Variants in PHACTR1 observed in about 807,000 individuals in gnomAD.
PHACTR1 encodes RPEL repeat containing 1.
In PHACTR1, 16 loss-of-function variants were observed where a neutral mutation model predicts 69.2. That is an observed-to-expected ratio of 0.23 (90% CI 0.16 to 0.35). The LOEUF is 0.35. Among genes scored for constraint, PHACTR1 ranks in the 10% least tolerant of loss-of-function variants. The probability of loss-of-function intolerance (pLI) is 1.00; values close to 1 mark genes in which losing one functional copy is unlikely to be tolerated. For synonymous variants in PHACTR1, 312 were observed against 284.5 expected (o/e 1.10, Z -0.97); for missense variants, 510 against 734.7 (o/e 0.69, Z 3.54).
At chr6:13,161,406 G>A (rs11963505) in intron 6 of PHACTR1, among the ~76,000 whole-genome samples, 9,410 of 151,952 alleles carry the variant, frequency 0.062, 710 homozygotes, top group African/African-American at 0.18. Context: ...CTCTGTTAGC[G>A]CTTTAAGTGA....
At chr6:12,874,374 CT>C (rs1318164771) in intron 4 of PHACTR1, among the ~76,000 whole-genome samples, 1 of 152,136 alleles carries the variant, frequency 6.6e-6, no homozygotes, top group African/African-American at 2.4e-5. Context: ...CACAACTTGG[CT>C]TACTAAAGTT....
At chr6:12,931,426 G>A (rs1203309466) in intron 4 of PHACTR1, among the ~76,000 whole-genome samples, 2 of 152,138 alleles carry the variant, frequency 1.3e-5, no homozygotes, top group African/African-American at 4.8e-5. Flanking sequence ...AATTCAGGGG[G>A]CTCTGTTATG....
At chr6:12,879,285 C>A (rs1392046466) in intron 4 of PHACTR1, among the ~76,000 whole-genome samples, 5 of 152,176 alleles carry the variant, frequency 3.3e-5, no homozygotes, top group African/African-American at 9.7e-5. Flanking sequence ...GAACATGGGT[C>A]TGTCTTGCCC....
At chr6:13,104,974 G>A (rs935601274) in intron 5 of PHACTR1, among the ~76,000 whole-genome samples, 6 of 152,150 alleles carry the variant, frequency 3.9e-5, no homozygotes, top group Admixed American at 1.3e-4. Flanking sequence ...TCTACTCTTA[G>A]TACATTATCC....
At chr6:13,129,514 G>A (rs111858865) in intron 5 of PHACTR1, among the ~76,000 whole-genome samples, 3 of 151,994 alleles carry the variant, frequency 2.0e-5, no homozygotes, top group Non-Finnish European at 2.9e-5. Context: ...AGCTATTCTT[G>A]TATCAGACAA....
intron 7 of PHACTR1, among the ~76,000 whole-genome samples, chr6:13,186,966 G>A (rs956040626): frequency 7.2e-5 from 11 of 152,210 alleles, no homozygotes; most frequent in African/African-American, 2.4e-4. Context: ...GGGAGACAGT[G>A]ACCGATCGTC....
chr6:13,269,110 G>T (rs1437444460), intron 10 of PHACTR1, among the ~76,000 whole-genome samples: 1 of 139,450 alleles, frequency 7.2e-6, no homozygotes, highest in African/African-American at 2.6e-5. Flanking sequence ...CTTCGCATAA[G>T]ACTCCAAAAC....
At chr6:13,048,682 C>G (rs555986217) in intron 4 of PHACTR1, among the ~76,000 whole-genome samples, 1 of 152,288 alleles carries the variant, frequency 6.6e-6, no homozygotes, top group South Asian at 2.1e-4. Context: ...CAGGCACATG[C>G]CACCACACCC....
At chr6:12,764,686 G>C (rs1768401048) in intron 4 of PHACTR1, among the ~76,000 whole-genome samples, 1 of 152,152 alleles carries the variant, frequency 6.6e-6, no homozygotes, top group Non-Finnish European at 1.5e-5. Context: ...TGAAGATTTA[G>C]AGGCTGTACA....
At chr6:12,992,686 G>A (rs992037117) in intron 4 of PHACTR1, among the ~76,000 whole-genome samples, 1 of 152,124 alleles carries the variant, frequency 6.6e-6, no homozygotes, top group Non-Finnish European at 1.5e-5. Flanking sequence ...TGCACACAAG[G>A]AATGCATTTA....
intron 7 of PHACTR1, among the ~76,000 whole-genome samples, chr6:13,186,168 C>T (rs1321920185): frequency 1.3e-5 from 2 of 152,128 alleles, no homozygotes; most frequent in Non-Finnish European, 2.9e-5. Context: ...CACTTTTGTT[C>T]GATGTCCAAA....
At chr6:12,889,414 C>G (rs1384270145) in intron 4 of PHACTR1, among the ~76,000 whole-genome samples, 1 of 152,156 alleles carries the variant, frequency 6.6e-6, no homozygotes, top group Non-Finnish European at 1.5e-5. Flanking sequence ...TCAACATGTC[C>G]TAATCAATGC....
chr6:13,100,769 C>T (rs541534046), intron 5 of PHACTR1, among the ~76,000 whole-genome samples: 6 of 152,224 alleles, frequency 3.9e-5, no homozygotes, highest in South Asian at 2.1e-4. Context: ...GAATGTAAGA[C>T]GATTGATGCT....
At chr6:13,097,911 T>C (rs1231737395) in intron 5 of PHACTR1, among the ~76,000 whole-genome samples, 1 of 152,112 alleles carries the variant, frequency 6.6e-6, no homozygotes, top group Non-Finnish European at 1.5e-5. Flanking sequence ...TAATCTACCT[T>C]TTATCTGGGT....
intron 4 of PHACTR1, among the ~76,000 whole-genome samples, chr6:13,001,221 A>G (rs1798059238): frequency 6.6e-6 from 1 of 152,236 alleles, no homozygotes; most frequent in Admixed American, 6.5e-5. Flanking sequence ...AAAATCAATA[A>G]TGAAAGAGGT....
At chr6:12,969,350 GA>G (rs1317016449) in intron 4 of PHACTR1, among the ~76,000 whole-genome samples, 2 of 152,172 alleles carry the variant, frequency 1.3e-5, no homozygotes, top group East Asian at 3.8e-4. Context: ...CCTGATAAAA[GA>G]AAGAGCCAAA....
chr6:13,205,116 C>T (rs1765716551), intron 7 of PHACTR1, among the ~76,000 whole-genome samples: 1 of 152,142 alleles, frequency 6.6e-6, no homozygotes, highest in Non-Finnish European at 1.5e-5. Flanking sequence ...CTGGTGAGGG[C>T]CTCTGGCTGC....
At chr6:13,190,784 A>G (rs1238926777) in intron 7 of PHACTR1, among the ~76,000 whole-genome samples, 1 of 152,016 alleles carries the variant, frequency 6.6e-6, no homozygotes, top group Non-Finnish European at 1.5e-5. Context: ...CACAGTGGTT[A>G]GAATTCAAAA....
intron 4 of PHACTR1, among the ~76,000 whole-genome samples, chr6:12,824,322 A>AT (rs1361469676): frequency 6.6e-6 from 1 of 152,204 alleles, no homozygotes; most frequent in Non-Finnish European, 1.5e-5. Flanking sequence ...GAGCTGTATA[A>AT]TTATTTCATT....
Sources: allele counts gnomAD v4.1 joint callset (sites outside exome capture counted in the v4.1 genomes callset), GRCh38; gene constraint gnomAD v4.1.1; transcripts MANE v1.5; gene names NCBI Gene and HGNC (gene_info 2026-07-23, HGNC 2026-07-21).